The following FAT3 variants were observed in gnomAD, a reference collection of about 807,000 sequenced individuals.
FAT3 encodes the protein FAT atypical cadherin 3, also known as protocadherin Fat 3.
A neutral mutation model predicts 310.2 loss-of-function variants in FAT3; 95 were observed. The ratio of observed to expected loss-of-function variants is 0.31; its 90% CI spans 0.26 to 0.36. The LOEUF (loss-of-function observed/expected upper bound fraction) is 0.36, where lower values mean the gene tolerates loss of function less well. Among genes scored for constraint, FAT3 ranks in the 10% least tolerant of loss-of-function variants. The pLI, the probability that FAT3 is intolerant of heterozygous loss-of-function variation, is 1.00. For missense variants in FAT3, 5,408 were observed against 5,715.6 expected (o/e 0.95, Z 1.74); for synonymous variants, 2,314 against 2,192.9 (o/e 1.06, Z -1.54).
chr11:92,515,974 T>A (rs1442515208), intron 2 of FAT3, among the ~76,000 whole-genome samples: 1 of 151,988 alleles, frequency 6.6e-6, no homozygotes, highest in Non-Finnish European at 1.5e-5. Context: ...AATAACAAGT[T>A]CTGAAATTGA....
chr11:92,365,506 T>C (rs2134690548), intron 2 of FAT3, among the ~76,000 whole-genome samples: 1 of 152,342 alleles, frequency 6.6e-6, no homozygotes, highest in South Asian at 2.1e-4. Flanking sequence ...TTCTCTCATT[T>C]CCACATTTAT....
At position 92,354,017 on chromosome 11, in the gene FAT3, T is replaced by C. The variant is rs768265926; in HGVS notation, c.1905T>C (p.Leu635=). The change falls in exon 2 of 28, where the codon CTT becomes CTC. Residue 635 remains leucine, a synonymous_variant. Coordinates refer to ENST00000525166, the MANE Select transcript of FAT3 (RefSeq NM_001367949.2). ...ACCCAGATTCTGGTGTTTTACAGCT[T>C]AAAAAATCACTGACAAATTCTGGCA... The part of the protein sequence containing the change: ...YLNPDSGVLQ[L]KKSLTNSGIK... 17 of 1,613,072 alleles carry C rather than the reference T, an allele frequency of 1.1e-5. No homozygotes were observed. Among genetic ancestry groups the C allele is most frequent in the Non-Finnish European group, 1.3e-5 (15 of 1,179,570 alleles).
Position 92,352,368 on chromosome 11 carries a change from G to A in FAT3, c.256G>A (p.Gly86Arg), listed in dbSNP as rs751323947. ...GGATATCAAATACAGAATAGTGTCC[G>A]GAGACGAGGAAGGCTTTTTCAAAGC... ...SWDIKYRIVSGDEEGFFKAEE... is the reference protein window; with the variant it reads ...SWDIKYRIVSRDEEGFFKAEE... The change falls in exon 2 of 28, where the codon GGA becomes AGA. Residue 86 changes from glycine (G) to arginine (R), a missense_variant. By Grantham distance (125) the Gly-to-Arg change is moderately radical (BLOSUM62 -2). Transcript: ENST00000525166. The A allele has an allele frequency of 3.1e-6, 5 of 1,603,866 alleles. No homozygotes were observed. The highest frequency in any genetic ancestry group is 1.3e-5 in the African/African-American group (1 of 74,670).
chr11:92,611,680 C>G (rs916803080), intron 3 of FAT3, among the ~76,000 whole-genome samples: 1 of 152,170 alleles, frequency 6.6e-6, no homozygotes, highest in Non-Finnish European at 1.5e-5. Context: ...AGGCATGAAC[C>G]ACTGTACCCT....
At chr11:92,523,810 T>C (rs1397623964) in intron 2 of FAT3, among the ~76,000 whole-genome samples, 1 of 152,148 alleles carries the variant, frequency 6.6e-6, no homozygotes, top group Admixed American at 6.6e-5. Flanking sequence ...GTTGTAAAGA[T>C]AGACAAGAGC....
chr11:92,351,226 G>A (rs1017354871), intron 1 of FAT3, among the ~76,000 whole-genome samples: 4 of 152,084 alleles, frequency 2.6e-5, no homozygotes, highest in African/African-American at 7.2e-5. Flanking sequence ...TATTGTCTCT[G>A]CTTTGTAACT....
chr11:92,536,415 A>T (rs935243446), intron 3 of FAT3, among the ~76,000 whole-genome samples: 1 of 152,150 alleles, frequency 6.6e-6, no homozygotes, highest in Non-Finnish European at 1.5e-5. Flanking sequence ...TTGCATTTTG[A>T]TCCCAGCTTC....
At position 92,442,081 on chromosome 11, in the gene FAT3, T is replaced by A. The variant is rs28550573; in HGVS notation, c.3293-82553T>A. Among the ~76,000 whole-genome samples the A allele has an allele frequency of 2.1e-3, 146 of 69,944 alleles. 3 individuals carry two copies. The highest frequency in any genetic ancestry group is 9.7e-3 in the African/African-American group (118 of 12,104). 45.9% of individuals were successfully genotyped at this position (69,944 alleles called of 152,430 possible). ...GTGCAAAACTTAAGAAATATATATT[T>A]TATATATATATATATATATATATAT... On this transcript the variant is annotated intron_variant, in intron 2 of 27. Transcript: ENST00000525166.
intron 6 of FAT3, among the ~76,000 whole-genome samples, chr11:92,766,279 G>A (rs1389398884): frequency 6.6e-6 from 1 of 152,160 alleles, no homozygotes; most frequent in Non-Finnish European, 1.5e-5. Context: ...GAGAGTGTGT[G>A]TCGCCCAATC....
At position 92,801,103 on chromosome 11, in the gene FAT3, A is replaced by G; in HGVS notation, c.8090A>G (p.His2697Arg). The change falls in exon 10 of 28, where the codon CAC becomes CGC. Residue 2697 changes from histidine (H) to arginine (R), a missense_variant. Coordinates refer to ENST00000525166, the MANE Select transcript of FAT3 (RefSeq NM_001367949.2). The stretch of plus-strand genomic sequence containing the variant: ...CACTCCCTCATTCCTGTCTATATCC[A>G]CGTCTTGCCCCCTGAAACGTTCTTG... ...VKHSLIPVYIHVLPPETFLPS... is the reference protein window; with the variant it reads ...VKHSLIPVYIRVLPPETFLPS... The G allele has an allele frequency of 6.2e-7, 1 of 1,613,920 alleles. No homozygotes were observed. The highest frequency in any genetic ancestry group is 8.5e-7 in the Non-Finnish European group (1 of 1,179,866).
intron 1 of FAT3, among the ~76,000 whole-genome samples, chr11:92,324,920 A>G (rs1055207113): frequency 1.3e-5 from 2 of 152,250 alleles, no homozygotes; most frequent in African/African-American, 2.4e-5. Flanking sequence ...TATATTCACC[A>G]GAGGACTTAA....
chr11:92,721,981 T>C (rs560687178), intron 4 of FAT3, among the ~76,000 whole-genome samples: 1 of 152,180 alleles, frequency 6.6e-6, no homozygotes, highest in Non-Finnish European at 1.5e-5. Context: ...GAATTCAATA[T>C]GAGATTTGGG....
intron 10 of FAT3, 61 bp downstream of exon 10, chr11:92,801,970 G>A (rs952836712): frequency 1.4e-6 from 2 of 1,477,848 alleles, no homozygotes; most frequent in Non-Finnish European, 1.9e-6. Flanking sequence ...ATGGAAGATG[G>A]CGGGGAGAAG....
intron 3 of FAT3, among the ~76,000 whole-genome samples, chr11:92,686,416 C>T (rs1324669945): frequency 6.6e-6 from 1 of 152,102 alleles, no homozygotes; most frequent in Admixed American, 6.6e-5. Flanking sequence ...AATGGTTTAT[C>T]TTGAGTACAA....
chr11:92,831,388 C>A (rs1948244318), intron 13 of FAT3, among the ~76,000 whole-genome samples: 1 of 152,078 alleles, frequency 6.6e-6, no homozygotes, highest in African/African-American at 2.4e-5. Context: ...TAAGAATATC[C>A]AACTATTTCT....
intron 6 of FAT3, among the ~76,000 whole-genome samples, chr11:92,769,606 T>G (rs1329222572): frequency 1.3e-5 from 2 of 152,244 alleles, no homozygotes; most frequent in African/African-American, 4.8e-5. Context: ...CACCCATTTT[T>G]TAGCTTTTCA....
chr11:92,655,218 T>C (rs891723538), intron 3 of FAT3, among the ~76,000 whole-genome samples: 1 of 152,180 alleles, frequency 6.6e-6, no homozygotes, highest in Non-Finnish European at 1.5e-5. Flanking sequence ...AATGAATGAA[T>C]GAATGAATGA....
chr11:92,714,175 C>T (rs1944606492), intron 4 of FAT3, among the ~76,000 whole-genome samples: 1 of 152,132 alleles, frequency 6.6e-6, no homozygotes, highest in Admixed American at 6.6e-5. Flanking sequence ...CTGTTGAACT[C>T]AATAAATATG....
At chr11:92,796,884 T>C (rs1947189709) in intron 9 of FAT3, among the ~76,000 whole-genome samples, 1 of 152,226 alleles carries the variant, frequency 6.6e-6, no homozygotes, top group Non-Finnish European at 1.5e-5. Context: ...AGCAGAGCTG[T>C]AAACTACTAC....
Sources: allele counts gnomAD v4.1 joint callset (sites outside exome capture counted in the v4.1 genomes callset), GRCh38; gene constraint gnomAD v4.1.1; transcripts MANE v1.5; gene names NCBI Gene and HGNC (gene_info 2026-07-23, HGNC 2026-07-21).